CNTN4: variants seen among roughly 807,000 people sequenced by gnomAD.
CNTN4 encodes contactin-4.
Under a neutral mutation model 122.5 loss-of-function variants are expected in CNTN4, and 77 were observed. The ratio of observed to expected loss-of-function variants is 0.63; its 90% CI spans 0.52 to 0.76. The LOEUF (loss-of-function observed/expected upper bound fraction) is 0.76, where lower values mean the gene tolerates loss of function less well. Among genes scored for constraint, CNTN4 ranks in the 30% least tolerant of loss-of-function variants. The pLI, the probability that CNTN4 is intolerant of heterozygous loss-of-function variation, is 0.00. For missense variants in CNTN4, 1,256 were observed against 1,259.1 expected (o/e 1.00, Z 0.04); for synonymous variants, 512 against 447.0 (o/e 1.15, Z -1.83).
At chr3:2,299,323 A>G (rs985620279) in intron 2 of CNTN4, among the ~76,000 whole-genome samples, 14 of 152,146 alleles carry the variant, frequency 9.2e-5, no homozygotes, top group African/African-American at 3.1e-4. Context: ...GCTAATGAAA[A>G]CAAACTCATT....
intron 4 of CNTN4, among the ~76,000 whole-genome samples, chr3:2,652,817 C>T (rs1203636334): frequency 3.3e-5 from 5 of 152,082 alleles, no homozygotes; most frequent in African/African-American, 1.2e-4. Flanking sequence ...GGTCACTTAT[C>T]AATCACATTT....
intron 16 of CNTN4, among the ~76,000 whole-genome samples, chr3:3,033,865 A>G (rs918906072): frequency 6.6e-6 from 1 of 152,092 alleles, no homozygotes; most frequent in African/African-American, 2.4e-5. Flanking sequence ...TCCCCTTTCC[A>G]TGGTTTAAGT....
intron 3 of CNTN4, among the ~76,000 whole-genome samples, chr3:2,467,318 G>A (rs966310589): frequency 1.3e-5 from 2 of 152,112 alleles, no homozygotes; most frequent in African/African-American, 4.8e-5. Flanking sequence ...TGGCCTCTCA[G>A]TGCAAGGACT....
At chr3:2,958,536 G>T (rs2094822966) in intron 13 of CNTN4, among the ~76,000 whole-genome samples, 1 of 152,120 alleles carries the variant, frequency 6.6e-6, no homozygotes, top group Non-Finnish European at 1.5e-5. Context: ...TTATCCCGGT[G>T]ATTGCTTCCC....
At chr3:2,501,941 T>C (rs1442340620) in intron 3 of CNTN4, among the ~76,000 whole-genome samples, 2 of 152,184 alleles carry the variant, frequency 1.3e-5, no homozygotes, top group African/African-American at 4.8e-5. Context: ...CTTCATTTCA[T>C]GCAGAAAATT....
intron 3 of CNTN4, among the ~76,000 whole-genome samples, chr3:2,376,241 T>C (rs1428771083): frequency 6.6e-6 from 1 of 152,222 alleles, no homozygotes; most frequent in East Asian, 1.9e-4. Flanking sequence ...CACTTCTCCT[T>C]TAACAGTTTC....
At chr3:2,211,381 G>A (rs1375649303) in intron 2 of CNTN4, among the ~76,000 whole-genome samples, 1 of 152,016 alleles carries the variant, frequency 6.6e-6, no homozygotes, top group Non-Finnish European at 1.5e-5. Flanking sequence ...TAAACTATAT[G>A]GCAGCATCTG....
At chr3:2,596,500 G>T (rs867943570) in intron 4 of CNTN4, among the ~76,000 whole-genome samples, 1 of 151,946 alleles carries the variant, frequency 6.6e-6, no homozygotes, top group African/African-American at 2.4e-5. Flanking sequence ...TGGTAGTAAG[G>T]AATCAATCCA....
chr3:2,352,076 T>C (rs1005322578), intron 3 of CNTN4, among the ~76,000 whole-genome samples: 4 of 152,216 alleles, frequency 2.6e-5, no homozygotes, highest in African/African-American at 7.2e-5. Flanking sequence ...TATACAATTA[T>C]GATTTATCAA....
chr3:2,777,524 T>G (rs1201123423), intron 6 of CNTN4, among the ~76,000 whole-genome samples: 2 of 152,172 alleles, frequency 1.3e-5, no homozygotes, highest in Non-Finnish European at 2.9e-5. Context: ...CCCTCTCTGG[T>G]AGCAGCAAAG....
intron 2 of CNTN4, among the ~76,000 whole-genome samples, chr3:2,269,672 T>A (rs528501894): frequency 5.9e-5 from 9 of 152,194 alleles, no homozygotes; most frequent in African/African-American, 1.9e-4. Flanking sequence ...GTTCTGAAAT[T>A]GATTAAGTAT....
intron 4 of CNTN4, among the ~76,000 whole-genome samples, chr3:2,576,850 G>A (rs2079712963): frequency 6.6e-6 from 1 of 152,038 alleles, no homozygotes; most frequent in South Asian, 2.1e-4. Flanking sequence ...ACCAGGTCAC[G>A]CCTCGCCCAT....
In CNTN4 at chr3:2,567,081, A is replaced by ATTT. The variant is rs373707875; in HGVS notation, c.-88-4323_-88-4321dup. ...CGTAGACTTCAGAATCAAGTCCAGA[A>ATTT]TTTTTTTTTTTTTTCTTTTTTTCAG... On this transcript the variant is annotated intron_variant, in intron 3 of 24. Coordinates refer to ENST00000418658, the MANE Select transcript of CNTN4 (RefSeq NM_175607.3). Among the ~76,000 whole-genome samples, 322 of 103,332 alleles carry ATTT rather than the reference A, an allele frequency of 3.1e-3. 10 individuals carry two copies. Among genetic ancestry groups the ATTT allele is most frequent in the African/African-American group, 9.8e-3 (311 of 31,882 alleles). 67.8% of individuals were successfully genotyped at this position (103,332 alleles called of 152,430 possible).
intron 6 of CNTN4, among the ~76,000 whole-genome samples, chr3:2,778,916 C>G (rs2091456873): frequency 6.6e-6 from 1 of 152,192 alleles, no homozygotes; most frequent in South Asian, 2.1e-4. Flanking sequence ...AATGCTGTCT[C>G]TTACAGTTTT....
chr3:2,901,079 T>G (rs1244212414), intron 11 of CNTN4, among the ~76,000 whole-genome samples: 3 of 152,134 alleles, frequency 2.0e-5, no homozygotes, highest in Admixed American at 2.0e-4. Flanking sequence ...AATGGGAAAG[T>G]TATGCAAAAG....
intron 6 of CNTN4, among the ~76,000 whole-genome samples, chr3:2,760,993 C>T: frequency 6.6e-6 from 1 of 152,214 alleles, no homozygotes; most frequent in East Asian, 1.9e-4. Context: ...CATGAAAATC[C>T]TAGGAGAACT....
intron 4 of CNTN4, among the ~76,000 whole-genome samples, chr3:2,593,254 A>G (rs545040481): frequency 6.6e-6 from 1 of 152,350 alleles, no homozygotes; most frequent in East Asian, 1.9e-4. Flanking sequence ...CTAATAGCTA[A>G]TAAGTCAATG....
chr3:2,352,057 T>C (rs73119557), intron 3 of CNTN4, among the ~76,000 whole-genome samples: 275 of 152,306 alleles, frequency 1.8e-3, no homozygotes, highest in African/African-American at 5.5e-3. Context: ...CACATTTTAC[T>C]CATAAGTGTA....
chr3:2,167,168 A>T (rs1422265722), intron 2 of CNTN4, among the ~76,000 whole-genome samples: 1 of 152,214 alleles, frequency 6.6e-6, no homozygotes, highest in Admixed American at 6.5e-5. Context: ...AACCAATTCC[A>T]TGCTGTTTAA....
Sources: allele counts gnomAD v4.1 joint callset (sites outside exome capture counted in the v4.1 genomes callset), GRCh38; gene constraint gnomAD v4.1.1; transcripts MANE v1.5; gene names NCBI Gene and HGNC (gene_info 2026-07-23, HGNC 2026-07-21).